The following TEX26 variants were observed in gnomAD, a reference collection of about 807,000 sequenced individuals.
TEX26 encodes testis expressed 26.
A neutral mutation model predicts 35.3 loss-of-function variants in TEX26; 34 were observed. The ratio of observed to expected loss-of-function variants is 0.96; its 90% CI spans 0.73 to 1.28. The LOEUF (loss-of-function observed/expected upper bound fraction) is 1.28. Among genes scored for constraint, TEX26 ranks in the 50% most tolerant of loss-of-function variants. TEX26 has a pLI of 0.00. For missense variants in TEX26, 371 were observed against 330.1 expected, an observed-to-expected ratio of 1.12 and a Z score of -0.96; for synonymous variants, 136 against 111.8, an observed-to-expected ratio of 1.22 and a Z score of -1.36.
At chr13:30,959,144 T>C (rs1236527144) in intron 4 of TEX26, among the ~76,000 whole-genome samples, 3 of 152,236 alleles carry the variant, frequency 2.0e-5, no homozygotes, top group Non-Finnish European at 4.4e-5. Flanking sequence ...TCTGAATTCC[T>C]AACTTCTTGT....
Position 30,968,996 on chromosome 13 carries a change from C to A in TEX26, c.758C>A (p.Ser253Ter). The A allele has an allele frequency of 6.2e-7, 1 of 1,614,086 alleles. No homozygotes were observed. The highest frequency in any genetic ancestry group is 8.5e-7 in the Non-Finnish European group (1 of 1,179,970). ...CCAGATTTCTTAATGCTTTTAAACT[C>A]ATTTACTTCCTCTCAAGTCAAAGAG... ...TYPDFLMLLNSFTSSQVKEYL... is the reference protein window; with the variant it reads ...TYPDFLMLLN The change falls in exon 6 of 7, where the codon TCA becomes TAA. Residue 253 changes from serine (S) to a stop codon, truncating the protein, a stop_gained. Coordinates refer to ENST00000380473, the MANE Select transcript of TEX26 (RefSeq NM_152325.3). LOFTEE classifies it low-confidence loss of function (END_TRUNC).
At chr13:30,973,616 C>T (rs1275535800) in intron 6 of TEX26, 1 of 152,110 alleles carries the variant, frequency 6.6e-6, no homozygotes, top group African/African-American at 2.4e-5. Flanking sequence ...TAAATGAAGA[C>T]ATAATTGGAG....
intron 5 of TEX26, among the ~76,000 whole-genome samples, chr13:30,967,536 C>T (rs1260650459): frequency 6.6e-6 from 1 of 152,222 alleles, no homozygotes; most frequent in Non-Finnish European, 1.5e-5. Context: ...AAAACCTTGT[C>T]ATATGCCTTC....
intron 3 of TEX26, among the ~76,000 whole-genome samples, chr13:30,955,960 G>C (rs765640882): frequency 6.6e-6 from 1 of 152,126 alleles, no homozygotes; most frequent in East Asian, 1.9e-4. Flanking sequence ...AAAGAGGGAC[G>C]ATGGCAAGAG....
rs1953697067 is a variant in TEX26, at chr13:30,946,075, C to G, written c.146+6297C>G. 2.6e-5 allele frequency among the ~76,000 whole-genome samples: 4 copies of G among 151,854 alleles called. No homozygotes were observed. The South Asian group carries it at 8.3e-4, about 31-fold the overall frequency. Reference sequence around the variant, plus strand: ...TCCAAACTTTTTACTTACTCTTCTCCCTCAGAACACCAATTATTCTTAGAT... The same window carrying G: ...TCCAAACTTTTTACTTACTCTTCTCGCTCAGAACACCAATTATTCTTAGAT... On this transcript the variant is annotated intron_variant, in intron 2 of 6. Transcript: ENST00000380473.
Position 30,963,263 on chromosome 13 carries a change from A to G in TEX26, c.470-2959A>G, listed in dbSNP as rs758008485. ...CATTCCAGTTTTACTCCAGTGGAAA[A>G]GAAACCCAGGGAGCTGAGCTCCTGA... On this transcript the variant is annotated intron_variant, in intron 4 of 6. Coordinates refer to ENST00000380473, the MANE Select transcript of TEX26 (RefSeq NM_152325.3). 3.1e-4 allele frequency among the ~76,000 whole-genome samples: 47 copies of G among 152,304 alleles called. 1 individual carries two copies. Among genetic ancestry groups the G allele is most frequent in the Middle Eastern group, 3.4e-3 (1 of 294 alleles).
At chr13:30,946,726 TAG>T (rs900510320) in intron 2 of TEX26, among the ~76,000 whole-genome samples, 3 of 152,060 alleles carry the variant, frequency 2.0e-5, no homozygotes, top group African/African-American at 7.2e-5. Flanking sequence ...TCCTTGGTTA[TAG>T]AGAGTCTTTG....
At chr13:30,944,742 T>C (rs1294250651) in intron 2 of TEX26, among the ~76,000 whole-genome samples, 1 of 152,024 alleles carries the variant, frequency 6.6e-6, no homozygotes, top group South Asian at 2.1e-4. Flanking sequence ...TCTATGTATT[T>C]GTATAGTTTT....
rs553445968 is a variant in TEX26, at chr13:30,975,054, C to T, written c.*147C>T. 15 of 535,184 alleles carry T rather than the reference C, an allele frequency of 2.8e-5. No homozygotes were observed. Among genetic ancestry groups the T allele is most frequent in the African/African-American group, 1.2e-4 (6 of 50,068 alleles). 33.2% of individuals were successfully genotyped at this position (535,184 alleles called of 1,614,324 possible). A position where few individuals can be genotyped will look rare whatever the true frequency, so the allele number is the denominator to read the frequency against. ...AGTCATGAATTTGTGTCTTTTGCTCCGCTTTATTTTTAAACAATAAAATTA... is the reference window on the plus strand; with the variant it reads ...AGTCATGAATTTGTGTCTTTTGCTCTGCTTTATTTTTAAACAATAAAATTA... On this transcript the variant is annotated 3_prime_UTR_variant, in exon 7 of 7. Transcript: ENST00000380473.
chr13:30,967,334 T>C (rs1954573059), intron 5 of TEX26, among the ~76,000 whole-genome samples: 1 of 152,146 alleles, frequency 6.6e-6, no homozygotes, highest in Non-Finnish European at 1.5e-5. Flanking sequence ...GTGTGACTCT[T>C]CCTGACTCCA....
At position 30,974,838 on chromosome 13, in the gene TEX26, C is replaced by T. The variant is rs949115657; in HGVS notation, c.809-8C>T. On this transcript the variant is annotated splice_region_variant and splice_polypyrimidine_tract_variant and intron_variant, in intron 6 of 6. Transcript: ENST00000380473. ...AATTTTCATCCTGTTTTTCTTCATA[C>T]TTTTCAGATAGACAAATTATTGATC... 8 of 1,553,182 alleles carry T rather than the reference C, an allele frequency of 5.2e-6. No homozygotes were observed. The highest frequency in any genetic ancestry group is 6.1e-6 in the Non-Finnish European group (7 of 1,155,626).
rs778705361 is a variant in TEX26, at chr13:30,939,760, C to T, written c.128C>T (p.Ala43Val). The change falls in exon 2 of 7, where the codon GCA becomes GTA. Residue 43 changes from alanine (A) to valine (V), a missense_variant. Transcript: ENST00000380473. ...ACTGCATTCACGCCTAAAACAGGAG[C>T]AGTGCCTGCCTTAATTCGGTAGATC... is the stretch of plus-strand genomic sequence containing the variant. ...MRTAFTPKTGAVPALIRQNGI... is the reference protein window; with the variant it reads ...MRTAFTPKTGVVPALIRQNGI... 4 of 1,613,762 alleles carry T rather than the reference C, an allele frequency of 2.5e-6. No individual in the cohort carries two copies. The African/African-American group carries it at 5.3e-5, about 22-fold the overall frequency.
intron 4 of TEX26, among the ~76,000 whole-genome samples, chr13:30,964,213 G>A (rs762316733): frequency 5.3e-5 from 8 of 152,132 alleles, no homozygotes; most frequent in Admixed American, 3.3e-4. Context: ...GCACATGGGC[G>A]GTTTGTTTTC....
intron 2 of TEX26, among the ~76,000 whole-genome samples, chr13:30,947,144 G>A (rs1009404924): frequency 1.1e-4 from 16 of 152,056 alleles, no homozygotes; most frequent in South Asian, 1.0e-3. Flanking sequence ...GTACACAATC[G>A]CTCAAAGCAA....
chr13:30,960,229 C>T (rs573044653), intron 4 of TEX26, among the ~76,000 whole-genome samples: 8 of 152,214 alleles, frequency 5.3e-5, no homozygotes, highest in East Asian at 1.9e-4. Flanking sequence ...TTGAAAACTT[C>T]TATACCTTTT....
At chr13:30,958,377 T>C (rs1187955562) in intron 4 of TEX26, among the ~76,000 whole-genome samples, 1 of 152,212 alleles carries the variant, frequency 6.6e-6, no homozygotes, top group Non-Finnish European at 1.5e-5. Context: ...TTTCCTAAGT[T>C]ACTGAGAAAG....
chr13:30,960,729 A>G (rs1485467893), intron 4 of TEX26, among the ~76,000 whole-genome samples: 1 of 152,126 alleles, frequency 6.6e-6, no homozygotes. Flanking sequence ...AACTTTCAGC[A>G]TTTTCATCTG....
chr13:30,969,177 A>AAAC, intron 6 of TEX26, 131 bp downstream of exon 6: 1 of 877,920 alleles, frequency 1.1e-6, no homozygotes, highest in Non-Finnish European at 1.7e-6. Context: ...AAAAAAAAAA[A>AAAC]AAACTCATAG....
At chr13:30,949,363 G>A (rs556225407) in intron 2 of TEX26, among the ~76,000 whole-genome samples, 97 of 151,922 alleles carry the variant, frequency 6.4e-4, no homozygotes, top group African/African-American at 1.4e-3. Flanking sequence ...TAGCTTATCC[G>A]GTTTATACCA....
Sources: gnomAD v4.1 joint callset for allele counts (sites outside exome capture counted in the v4.1 genomes callset) on GRCh38, gnomAD v4.1.1 for gene constraint, MANE v1.5 for transcripts, NCBI Gene and HGNC (gene_info 2026-07-23, HGNC 2026-07-21) for gene names.